Variants in OSBPL10 observed in about 807,000 individuals in gnomAD.
OSBPL10 encodes the protein oxysterol binding protein like 10.
A neutral mutation model predicts 81.7 loss-of-function variants in OSBPL10; 49 were observed. The observed-to-expected ratio is 0.60, with a 90% CI of 0.48 to 0.76. The LOEUF (loss-of-function observed/expected upper bound fraction) is 0.76, where lower values mean the gene tolerates loss of function less well. Ranked by LOEUF, OSBPL10 falls within the 30% of genes least tolerant of loss-of-function variation. OSBPL10 has a pLI of 0.00. For missense variants in OSBPL10, 923 were observed against 987.8 expected, an observed-to-expected ratio of 0.93 and a Z score of 0.88; for synonymous variants, 419 against 383.6, an observed-to-expected ratio of 1.09 and a Z score of -1.08.
intron 8 of OSBPL10, among the ~76,000 whole-genome samples, chr3:31,677,973 C>G (rs557370193): frequency 6.7e-5 from 10 of 148,552 alleles, no homozygotes; most frequent in African/African-American, 1.3e-4. Flanking sequence ...CCCAGCTACT[C>G]GGGAGGCTGA....
chr3:31,966,017 A>G (rs771317852), intron 1 of OSBPL10, among the ~76,000 whole-genome samples: 7 of 137,384 alleles, frequency 5.1e-5, no homozygotes, highest in Non-Finnish European at 9.2e-5. Flanking sequence ...TATATAGGCC[A>G]GGCTCAGTCG....
At chr3:31,770,561 T>G (rs1172392612) in intron 4 of OSBPL10, among the ~76,000 whole-genome samples, 1 of 152,010 alleles carries the variant, frequency 6.6e-6, no homozygotes, top group African/African-American at 2.4e-5. Context: ...CCGAGGTGGG[T>G]GGATCATCTG....
At chr3:31,675,066 G>A (rs1274608658) in intron 8 of OSBPL10, among the ~76,000 whole-genome samples, 2 of 152,178 alleles carry the variant, frequency 1.3e-5, no homozygotes, top group African/African-American at 2.4e-5. Context: ...CTACTTGGTA[G>A]TAAAATCCTT....
chr3:31,730,357 G>GAA (rs796750527), intron 6 of OSBPL10, among the ~76,000 whole-genome samples: 2 of 143,488 alleles, frequency 1.4e-5, no homozygotes, highest in African/African-American at 5.1e-5. Flanking sequence ...AAAAAAGGGG[G>GAA]AAAAAAAAAA....
intron 1 of OSBPL10, among the ~76,000 whole-genome samples, chr3:31,889,715 G>C (rs1330661833): frequency 6.6e-6 from 1 of 152,132 alleles, no homozygotes; most frequent in Non-Finnish European, 1.5e-5. Flanking sequence ...CTTATAGCTA[G>C]ACGGGAGGAT....
chr3:31,668,150 G>A (rs371685164), intron 10 of OSBPL10, among the ~76,000 whole-genome samples: 9 of 152,254 alleles, frequency 5.9e-5, no homozygotes, highest in African/African-American at 2.2e-4. Context: ...AGATTAAAAT[G>A]GATTCATGAA....
intron 3 of OSBPL10, among the ~76,000 whole-genome samples, chr3:31,855,645 G>A (rs1020597862): frequency 6.6e-6 from 1 of 152,100 alleles, no homozygotes; most frequent in Non-Finnish European, 1.5e-5. Context: ...TTTGTTGAAT[G>A]CTACTCCCAA....
intron 7 of OSBPL10, among the ~76,000 whole-genome samples, chr3:31,690,268 C>T (rs1575478209): frequency 1.3e-5 from 2 of 151,862 alleles, no homozygotes; most frequent in East Asian, 1.9e-4. Flanking sequence ...TCCCCCTTTG[C>T]TCTCTTTCTC....
At position 31,784,885 on chromosome 3, in the gene OSBPL10, G is replaced by GT. The variant is rs1172608688; in HGVS notation, c.730-36766_730-36765insA. 7.1e-5 allele frequency among the ~76,000 whole-genome samples: 9 copies of GT among 126,974 alleles called. No homozygotes were observed. The Admixed American group carries it at 7.2e-4, about 10-fold the overall frequency. 83.3% of individuals were successfully genotyped at this position (126,974 alleles called of 152,430 possible). Reference sequence around the variant, plus strand: ...GACTTAATATAACTTTTTTGGGGGGGCGGGGGGGTGGGGATACAGGATCTC... The same window carrying GT: ...GACTTAATATAACTTTTTTGGGGGGGTCGGGGGGGTGGGGATACAGGATCTC... On this transcript the variant is annotated intron_variant, in intron 4 of 11. Transcript: ENST00000396556.
chr3:31,711,691 C>T (rs996763121), intron 6 of OSBPL10, among the ~76,000 whole-genome samples: 4 of 152,016 alleles, frequency 2.6e-5, no homozygotes, highest in Non-Finnish European at 4.4e-5. Context: ...CCAGAGGCTG[C>T]GAGGATGGGT....
At chr3:31,991,185 C>A (rs1340606465) in intron 2 of OSBPL10, 8 of 588,938 alleles carry the variant, frequency 1.4e-5, no homozygotes, top group Non-Finnish European at 2.1e-5. Context: ...GTGGCTTATA[C>A]CTGTAATCCC....
At chr3:31,708,518 G>A (rs934423314) in intron 6 of OSBPL10, among the ~76,000 whole-genome samples, 10 of 152,136 alleles carry the variant, frequency 6.6e-5, no homozygotes, top group African/African-American at 2.2e-4. Context: ...ATAGCCCAGG[G>A]TATATAAAGA....
intron 2 of OSBPL10, chr3:31,989,145 A>T: frequency 6.2e-7 from 1 of 1,614,174 alleles, no homozygotes; most frequent in Non-Finnish European, 8.5e-7. Context: ...TTCCTCAGGG[A>T]CACTTGACTT....
intron 4 of OSBPL10, among the ~76,000 whole-genome samples, chr3:31,792,806 G>A (rs1359843563): frequency 6.8e-6 from 1 of 146,814 alleles, no homozygotes; most frequent in Non-Finnish European, 1.5e-5. Context: ...GACACACTGG[G>A]TGGGTGAGTT....
chr3:31,971,806 A>AAGGAGC (rs1157164787), intron 1 of OSBPL10, among the ~76,000 whole-genome samples: 10 of 152,190 alleles, frequency 6.6e-5, no homozygotes, highest in African/African-American at 2.4e-4. Context: ...CTTATTTACA[A>AAGGAGC]AGGAGCACTC....
At chr3:31,896,529 G>A (rs1696062491) in intron 1 of OSBPL10, among the ~76,000 whole-genome samples, 1 of 152,214 alleles carries the variant, frequency 6.6e-6, no homozygotes, top group African/African-American at 2.4e-5. Flanking sequence ...GAGCTGAAGA[G>A]CAGAGAGCCG....
intron 4 of OSBPL10, among the ~76,000 whole-genome samples, chr3:31,813,964 G>A (rs544133475): frequency 1.2e-4 from 18 of 152,332 alleles, no homozygotes; most frequent in African/African-American, 4.1e-4. Flanking sequence ...TGGACACACT[G>A]GGCCTCATCC....
At chr3:31,916,499 A>C (rs762794794) in intron 1 of OSBPL10, among the ~76,000 whole-genome samples, 35 of 152,244 alleles carry the variant, frequency 2.3e-4, no homozygotes, top group Non-Finnish European at 4.7e-4. Context: ...TCAGAAGTAA[A>C]ATATCTGACA....
intron 2 of OSBPL10, among the ~76,000 whole-genome samples, chr3:32,041,800 G>A (rs1260359815): frequency 6.6e-6 from 1 of 152,056 alleles, no homozygotes; most frequent in South Asian, 2.1e-4. Flanking sequence ...TGGGATTTCA[G>A]GCATGTGCCA....
Sources: gnomAD v4.1 joint callset for allele counts (sites outside exome capture counted in the v4.1 genomes callset) on GRCh38, gnomAD v4.1.1 for gene constraint, MANE v1.5 for transcripts, NCBI Gene and HGNC (gene_info 2026-07-23, HGNC 2026-07-21) for gene names.